The following HLCS variants were observed in gnomAD, a reference collection of about 807,000 sequenced individuals.
HLCS encodes holocarboxylase synthetase.
Under a neutral mutation model 75.0 loss-of-function variants are expected in HLCS, and 53 were observed. The observed-to-expected ratio is 0.71, with a 90% CI of 0.57 to 0.89. HLCS has a LOEUF of 0.89. Among genes scored for constraint, HLCS ranks in the 40% least tolerant of loss-of-function variants. HLCS has a pLI of 0.00. For synonymous variants in HLCS, 431 were observed against 428.6 expected, an observed-to-expected ratio of 1.01 and a Z score of -0.07; for missense variants, 966 against 1,074.0, an observed-to-expected ratio of 0.90 and a Z score of 1.41.
chr21:36,957,165 G>C (rs58870626), intron 2 of HLCS, among the ~76,000 whole-genome samples: 1 of 152,056 alleles, frequency 6.6e-6, no homozygotes, highest in Non-Finnish European at 1.5e-5. Context: ...TGGGGCCTGT[G>C]GGGGAAGTGT....
intron 1 of HLCS, among the ~76,000 whole-genome samples, chr21:36,977,219 T>A (rs1045916331): frequency 1.3e-5 from 2 of 152,074 alleles, no homozygotes; most frequent in Non-Finnish European, 2.9e-5. Flanking sequence ...TGGTCCTTTA[T>A]ATTTCAGGCA....
chr21:36,983,802 A>G (rs2069175556), intron 1 of HLCS, among the ~76,000 whole-genome samples: 1 of 151,342 alleles, frequency 6.6e-6, no homozygotes, highest in Non-Finnish European at 1.5e-5. Context: ...GTGTCACTGC[A>G]CTCAAGCCTG....
rs560797188 is a variant in HLCS at position 36,952,371 on chromosome 21, G to A, written c.330+9665C>T. On this transcript the variant is annotated intron_variant, in intron 2 of 10. Coordinates refer to ENST00000674895, the MANE Select transcript of HLCS (RefSeq NM_001352514.2). ...AACAGCCAGAGTGGTCAACATGAAT[G>A]GCTCTGGACGTCTCTAGCTCCTGGT... 3.7e-4 allele frequency among the ~76,000 whole-genome samples: 56 copies of A among 152,278 alleles called. No homozygotes were observed. In the Middle Eastern group the frequency reaches 0.01, roughly 28 times the overall value.
intron 5 of HLCS, among the ~76,000 whole-genome samples, chr21:36,901,299 A>T (rs921610071): frequency 6.6e-6 from 1 of 152,196 alleles, no homozygotes; most frequent in Non-Finnish European, 1.5e-5. Flanking sequence ...AATTGGCAGT[A>T]GAACATGTGA....
intron 6 of HLCS, among the ~76,000 whole-genome samples, chr21:36,877,443 C>T (rs541250274): frequency 6.6e-6 from 1 of 152,052 alleles, no homozygotes; most frequent in South Asian, 2.1e-4. Context: ...TTACAATGTA[C>T]ATCCTTACCT....
intron 5 of HLCS, among the ~76,000 whole-genome samples, chr21:36,921,458 AG>A (rs1274179229): frequency 3.3e-5 from 5 of 152,240 alleles, no homozygotes; most frequent in Non-Finnish European, 4.4e-5. Context: ...AAAAGAAAAA[AG>A]AATATTCACT....
At chr21:36,837,298 A>C (rs1181196555) in intron 6 of HLCS, among the ~76,000 whole-genome samples, 1 of 152,266 alleles carries the variant, frequency 6.6e-6, no homozygotes, top group Non-Finnish European at 1.5e-5. Context: ...AACCTGAAGC[A>C]TTATACAAAC....
intron 2 of HLCS, among the ~76,000 whole-genome samples, chr21:36,939,530 C>T (rs1392969811): frequency 1.3e-5 from 2 of 152,206 alleles, no homozygotes; most frequent in African/African-American, 4.8e-5. Flanking sequence ...TTAAAACATG[C>T]TTCCCCTGGG....
chr21:36,754,767 T>C (rs1321642286), intron 10 of HLCS, among the ~76,000 whole-genome samples: 1 of 152,164 alleles, frequency 6.6e-6, no homozygotes, highest in Non-Finnish European at 1.5e-5. Flanking sequence ...TTGGCTGAGA[T>C]TGGAGGAAAA....
In HLCS at chr21:36,960,139, C is replaced by A. The variant is rs1433312694; in HGVS notation, c.330+1897G>T. ...CTTGCATGGAGCCACCCACCCCCCC[C>A]CCCCCCGACCCTGCACTTCTCACCC... On this transcript the variant is annotated intron_variant, in intron 2 of 10. Transcript: ENST00000674895. 1.7e-3 allele frequency among the ~76,000 whole-genome samples: 187 copies of A among 112,278 alleles called. 2 individuals carry two copies. The highest frequency in any genetic ancestry group is 5.7e-3 in the African/African-American group (169 of 29,670). The allele number at this position is 112,278 out of a possible 152,430, so 73.7% of individuals were successfully genotyped here.
chr21:36,948,622 G>A (rs1236246195), intron 2 of HLCS, among the ~76,000 whole-genome samples: 1 of 146,008 alleles, frequency 6.8e-6, no homozygotes, highest in African/African-American at 2.5e-5. Context: ...CCAGCTACTT[G>A]GGAAGATTAG....
At chr21:36,850,561 G>A (rs1023567626) in intron 6 of HLCS, among the ~76,000 whole-genome samples, 1 of 152,132 alleles carries the variant, frequency 6.6e-6, no homozygotes, top group Non-Finnish European at 1.5e-5. Flanking sequence ...GCAGGGTGAC[G>A]GGGCATGGAC....
In HLCS at chr21:36,811,450, G is replaced by A. The variant is rs149223797; in HGVS notation, c.1893-44165C>T. On this transcript the variant is annotated intron_variant, in intron 6 of 10. Coordinates refer to ENST00000674895, the MANE Select transcript of HLCS (RefSeq NM_001352514.2). ...GGGAGGCGGACACCTCTGCCTCCAG[G>A]AGGCTACTCTGTGCCTCAAGAACCA... Among the ~76,000 whole-genome samples the A allele has an allele frequency of 1.5e-3, 225 of 152,268 alleles. 2 individuals are homozygous for A. Among genetic ancestry groups the A allele is most frequent in the African/African-American group, 5.2e-3 (214 of 41,546 alleles).
At chr21:36,961,956 G>GAAAAACA in intron 2 of HLCS, 80 bp downstream of exon 2, 1 of 672,092 alleles carries the variant, frequency 1.5e-6, no homozygotes, top group Non-Finnish European at 2.1e-6. Context: ...TCTGTCTCAG[G>GAAAAACA]AAAAAAAAAA....
chr21:36,758,091 CTTTA>C (rs1345104502), intron 9 of HLCS, among the ~76,000 whole-genome samples: 2 of 152,076 alleles, frequency 1.3e-5, no homozygotes, highest in East Asian at 1.9e-4. Flanking sequence ...CATTCCCCTA[CTTTA>C]TTTTTTATTT....
chr21:36,938,917 A>G lies in HLCS; in HGVS notation c.408T>C (p.Ser136=), dbSNP rs1490410577. 3 of 1,613,980 alleles carry G rather than the reference A, an allele frequency of 1.9e-6. No individual in the cohort carries two copies. Among genetic ancestry groups the G allele is most frequent in the South Asian group, 2.2e-5 (2 of 91,084 alleles). The change falls in exon 3 of 11, where the codon AGT becomes AGC. Residue 136 remains serine (S), a synonymous_variant. Coordinates refer to ENST00000674895, the MANE Select transcript of HLCS (RefSeq NM_001352514.2). ...GDPYRLIAEA[S]VDNFSKLGVA... ...CCCCCAGCTTGCTGAAGTTGTCCAC[A>G]CTTGCTTCAGCAATTAGCCGATAAG... is the stretch of plus-strand genomic sequence containing the variant.
At chr21:36,962,972 C>A (rs1221288356) in intron 1 of HLCS, among the ~76,000 whole-genome samples, 1 of 152,082 alleles carries the variant, frequency 6.6e-6, no homozygotes, top group Non-Finnish European at 1.5e-5. Context: ...CTGCTCCTCT[C>A]CCGGAGATCT....
intron 4 of HLCS, among the ~76,000 whole-genome samples, chr21:36,933,469 T>C (rs2066737280): frequency 6.7e-6 from 1 of 149,808 alleles, no homozygotes; most frequent in Non-Finnish European, 1.5e-5. Context: ...GAGAATCACT[T>C]GAACCCGGGA....
At chr21:36,756,505 A>C in intron 10 of HLCS, 37 bp downstream of exon 10, 1 of 1,026,052 alleles carries the variant, frequency 9.7e-7, no homozygotes, top group South Asian at 1.3e-5. Flanking sequence ...GATACTAATA[A>C]AGGAGTTGAA....
Sources: allele counts gnomAD v4.1 joint callset (sites outside exome capture counted in the v4.1 genomes callset), GRCh38; gene constraint gnomAD v4.1.1; transcripts MANE v1.5; gene names NCBI Gene and HGNC (gene_info 2026-07-23, HGNC 2026-07-21).